Variants in C8orf34 observed in about 807,000 individuals in gnomAD.
C8orf34 encodes uncharacterized protein C8orf34.
C8orf34 carries 65 observed loss-of-function variants against 68.3 expected under a neutral mutation model. That is an observed-to-expected ratio of 0.95 (90% confidence interval 0.78 to 1.17). The LOEUF is 1.17. Ranked by LOEUF, C8orf34 falls within the 50% of genes most tolerant of loss-of-function variation. The pLI is 0.00. For synonymous variants in C8orf34, 244 were observed against 241.2 expected (o/e 1.01, Z -0.11); for missense variants, 664 against 655.4 (o/e 1.01, Z -0.14).
At chr8:68,799,892 A>G (rs1386816082) in intron 12 of C8orf34, among the ~76,000 whole-genome samples, 1 of 152,170 alleles carries the variant, frequency 6.6e-6, no homozygotes, top group African/African-American at 2.4e-5. Context: ...GATGCATAAT[A>G]TTTTGAAGGG....
At position 68,745,235 on chromosome 8, in the gene C8orf34, C is replaced by T. The variant is rs189406076; in HGVS notation, c.1404+23798C>T. Among the ~76,000 whole-genome samples the T allele has an allele frequency of 9.5e-3, 1,443 of 152,064 alleles. 22 individuals are homozygous for T. Among genetic ancestry groups the T allele is most frequent in the African/African-American group, 0.031 (1,294 of 41,486 alleles). On this transcript the variant is annotated intron_variant, in intron 10 of 13. Coordinates refer to ENST00000518698, the MANE Select transcript of C8orf34 (RefSeq NM_052958.4). ...GCCCTACAAGAGCTCCTGAAGGAAG[C>T]GCTAAACATGGAAAGGAACAACTGG...
At chr8:68,525,853 T>C (rs1233173323) in intron 6 of C8orf34, 1 of 353,960 alleles carries the variant, frequency 2.8e-6, no homozygotes, top group East Asian at 8.0e-5. Flanking sequence ...TGTCTCTCTT[T>C]TTAGCATTGT....
intron 10 of C8orf34, among the ~76,000 whole-genome samples, chr8:68,765,353 C>T (rs1173900228): frequency 6.6e-6 from 1 of 152,198 alleles, no homozygotes; most frequent in Non-Finnish European, 1.5e-5. Context: ...TAGGTAACAC[C>T]TTTGCACCTT....
At chr8:68,762,601 C>T (rs540007429) in intron 10 of C8orf34, among the ~76,000 whole-genome samples, 1 of 152,266 alleles carries the variant, frequency 6.6e-6, no homozygotes, top group African/African-American at 2.4e-5. Flanking sequence ...AATGCAAACA[C>T]ATGCAAAAAC....
chr8:68,537,035 C>T (rs1311255766), intron 7 of C8orf34, among the ~76,000 whole-genome samples: 1 of 152,078 alleles, frequency 6.6e-6, no homozygotes, highest in East Asian at 1.9e-4. Flanking sequence ...TTGACACTTT[C>T]TTTCTTATAT....
chr8:68,546,735 A>G (rs566850745), intron 7 of C8orf34, among the ~76,000 whole-genome samples: 56 of 151,982 alleles, frequency 3.7e-4, no homozygotes, highest in African/African-American at 1.3e-3. Flanking sequence ...ATACAGGGTC[A>G]ACTTTCTGTA....
chr8:68,616,191 A>G (rs1452996703), intron 7 of C8orf34, among the ~76,000 whole-genome samples: 4 of 150,456 alleles, frequency 2.7e-5, no homozygotes, highest in Non-Finnish European at 5.9e-5. Flanking sequence ...TTTCTTCTTT[A>G]TTAGTCTTGC....
chr8:68,632,621 C>CT (rs1475960856), intron 7 of C8orf34, among the ~76,000 whole-genome samples: 4 of 152,276 alleles, frequency 2.6e-5, no homozygotes, highest in African/African-American at 9.6e-5. Flanking sequence ...CAGCCCCTCC[C>CT]ATCGCAAGCC....
At chr8:68,572,514 T>C (rs182333827) in intron 7 of C8orf34, among the ~76,000 whole-genome samples, 238 of 151,612 alleles carry the variant, frequency 1.6e-3, no homozygotes, top group African/African-American at 4.5e-3. Context: ...GATATAATTA[T>C]CAGAATATAT....
At chr8:68,645,122 G>T (rs1480617037) in intron 8 of C8orf34, among the ~76,000 whole-genome samples, 1 of 152,176 alleles carries the variant, frequency 6.6e-6, no homozygotes, top group Non-Finnish European at 1.5e-5. Flanking sequence ...AAGACGATCT[G>T]CTTTGGAGTG....
chr8:68,551,856 T>C (rs1816083348), intron 7 of C8orf34, among the ~76,000 whole-genome samples: 1 of 152,182 alleles, frequency 6.6e-6, no homozygotes, highest in South Asian at 2.1e-4. Flanking sequence ...AAGTTTTAAC[T>C]CTTACATTTA....
intron 1 of C8orf34, among the ~76,000 whole-genome samples, chr8:68,390,399 T>G (rs938520736): frequency 6.6e-6 from 1 of 152,126 alleles, no homozygotes. Flanking sequence ...TTTCTAAATA[T>G]ATCATAAAGG....
chr8:68,802,798 G>T (rs750275499), intron 12 of C8orf34, among the ~76,000 whole-genome samples: 1 of 152,084 alleles, frequency 6.6e-6, no homozygotes, highest in Non-Finnish European at 1.5e-5. Context: ...ATGCACCACC[G>T]TGTCCAGCCT....
chr8:68,478,818 A>G (rs1812734211), intron 4 of C8orf34, among the ~76,000 whole-genome samples: 2 of 152,266 alleles, frequency 1.3e-5, no homozygotes, highest in East Asian at 1.9e-4. Flanking sequence ...CACTGCCCCC[A>G]TGATCCAATC....
intron 7 of C8orf34, among the ~76,000 whole-genome samples, chr8:68,633,069 A>G (rs73276580): frequency 0.023 from 3,519 of 152,308 alleles, 144 homozygotes; most frequent in African/African-American, 0.079. Context: ...GTTTTAAAAA[A>G]TAATCAACCA....
chr8:68,457,910 A>G (rs1212682082), intron 3 of C8orf34, among the ~76,000 whole-genome samples: 1 of 152,158 alleles, frequency 6.6e-6, no homozygotes, highest in African/African-American at 2.4e-5. Flanking sequence ...TTAGTGTAGT[A>G]TGACTTAAAT....
At chr8:68,608,306 C>A (rs762962954) in intron 7 of C8orf34, among the ~76,000 whole-genome samples, 7 of 137,048 alleles carry the variant, frequency 5.1e-5, no homozygotes, top group Admixed American at 2.1e-4. Flanking sequence ...TAAAAGCGAT[C>A]TTCTAGGAGA....
At chr8:68,625,636 G>T in intron 7 of C8orf34, 1 of 701,710 alleles carries the variant, frequency 1.4e-6, no homozygotes, top group South Asian at 1.5e-5. Flanking sequence ...CATGTGGCTT[G>T]CATCTCAGCG....
intron 7 of C8orf34, among the ~76,000 whole-genome samples, chr8:68,630,679 G>A (rs1212498757): frequency 6.6e-6 from 1 of 151,762 alleles, no homozygotes; most frequent in Admixed American, 6.6e-5. Context: ...TATATTATTG[G>A]TAATATTGAC....
Sources: gnomAD v4.1 joint callset for allele counts (sites outside exome capture counted in the v4.1 genomes callset) on GRCh38, gnomAD v4.1.1 for gene constraint, MANE v1.5 for transcripts, NCBI Gene and HGNC (gene_info 2026-07-23, HGNC 2026-07-21) for gene names.